MEF2A: variants seen among roughly 807,000 people sequenced by gnomAD.
MEF2A encodes the protein myocyte-specific enhancer factor 2A.
A neutral mutation model predicts 55.8 loss-of-function variants in MEF2A; 28 were observed. That is an observed-to-expected ratio of 0.50 (90% CI 0.37 to 0.69). The LOEUF (loss-of-function observed/expected upper bound fraction) is 0.69. MEF2A is among the 30% of genes least tolerant of loss of function. MEF2A has a pLI of 0.00. For synonymous variants in MEF2A, 239 were observed against 227.1 expected, an observed-to-expected ratio of 1.05 and a Z score of -0.47; for missense variants, 528 against 626.2, an observed-to-expected ratio of 0.84 and a Z score of 1.67.
At chr15:99,644,435 T>C (rs1177297845) in intron 3 of MEF2A, among the ~76,000 whole-genome samples, 2 of 152,210 alleles carry the variant, frequency 1.3e-5, no homozygotes, top group African/African-American at 2.4e-5. Flanking sequence ...GTATTGTATC[T>C]GTAATGAAAG....
intron 3 of MEF2A, among the ~76,000 whole-genome samples, chr15:99,637,932 C>T (rs1427777954): frequency 3.3e-5 from 5 of 152,148 alleles, no homozygotes; most frequent in Non-Finnish European, 5.9e-5. Flanking sequence ...CGTGAGCCAC[C>T]GCCCCCAGCC....
intron 2 of MEF2A, among the ~76,000 whole-genome samples, chr15:99,623,830 G>A (rs572730602): frequency 5.3e-5 from 8 of 149,680 alleles, no homozygotes; most frequent in East Asian, 2.0e-4. Flanking sequence ...TAATTGAGAC[G>A]GGGTTTCGCC....
chr15:99,661,783 A>G (rs1293623932), intron 4 of MEF2A, among the ~76,000 whole-genome samples: 1 of 152,128 alleles, frequency 6.6e-6, no homozygotes, highest in African/African-American at 2.4e-5. Flanking sequence ...ATTCCTAAGA[A>G]TACATACCCA....
intron 1 of MEF2A, among the ~76,000 whole-genome samples, chr15:99,577,823 C>T (rs1964777125): frequency 1.3e-5 from 2 of 151,928 alleles, no homozygotes; most frequent in African/African-American, 2.4e-5. Flanking sequence ...GAGTACTGGT[C>T]GTTACTTTGT....
Position 99,613,535 on chromosome 15 carries a change from G to T in MEF2A, c.-143+15024G>T, listed in dbSNP as rs74755866. 2.6e-5 allele frequency among the ~76,000 whole-genome samples: 4 copies of T among 152,282 alleles called. No individual in the cohort carries two copies. In the East Asian group the frequency reaches 7.7e-4, roughly 29 times the overall value. ...AGTCTTTAATAATTGAGATTGAGAG[G>T]AGTCATTTATTTCTCTTTTTTTAAA... On this transcript the variant is annotated intron_variant, in intron 2 of 11. Transcript: ENST00000557942.
chr15:99,634,701 T>C (rs2043482395), intron 3 of MEF2A, among the ~76,000 whole-genome samples: 1 of 152,110 alleles, frequency 6.6e-6, no homozygotes, highest in African/African-American at 2.4e-5. Context: ...AATGGAACTT[T>C]CTGAGTTGAG....
At chr15:99,581,854 G>C (rs747487801) in intron 1 of MEF2A, among the ~76,000 whole-genome samples, 1 of 151,994 alleles carries the variant, frequency 6.6e-6, no homozygotes, top group Non-Finnish European at 1.5e-5. Context: ...CATTTGAACT[G>C]GATATCAAGT....
intron 1 of MEF2A, among the ~76,000 whole-genome samples, chr15:99,592,995 G>A (rs1969868270): frequency 6.6e-6 from 1 of 152,158 alleles, no homozygotes; most frequent in South Asian, 2.1e-4. Context: ...AATATTATGA[G>A]TGTATTGGGT....
chr15:99,681,906 C>G (rs1206230841), intron 7 of MEF2A: 1 of 150,182 alleles, frequency 6.7e-6, no homozygotes, highest in Admixed American at 6.6e-5. Flanking sequence ...TCAGAAACCT[C>G]AAACAGTTCT....
intron 3 of MEF2A, among the ~76,000 whole-genome samples, chr15:99,635,396 T>G (rs756114154): frequency 5.3e-5 from 8 of 152,228 alleles, no homozygotes; most frequent in Non-Finnish European, 1.0e-4. Flanking sequence ...TACTTCCACT[T>G]AGAAGCCTCT....
intron 4 of MEF2A, among the ~76,000 whole-genome samples, chr15:99,661,417 T>TG (rs972367820): frequency 1.1e-4 from 17 of 151,730 alleles, no homozygotes; most frequent in African/African-American, 3.6e-4. Flanking sequence ...ATAAGCGTTT[T>TG]TTTTTTTTTT....
intron 1 of MEF2A, among the ~76,000 whole-genome samples, chr15:99,590,293 T>C (rs571754637): frequency 2.0e-5 from 3 of 151,904 alleles, no homozygotes; most frequent in South Asian, 2.1e-4. Context: ...GCACTGCTGC[T>C]TTTAGGATTA....
chr15:99,709,894 GCTTA>G (rs2058431054), intron 10 of MEF2A, among the ~76,000 whole-genome samples: 2 of 152,262 alleles, frequency 1.3e-5, no homozygotes, highest in Middle Eastern at 3.4e-3. Flanking sequence ...AAACAAATGC[GCTTA>G]CTAATTGTGT....
At chr15:99,630,753 G>A (rs1008118812) in intron 2 of MEF2A, among the ~76,000 whole-genome samples, 2 of 152,218 alleles carry the variant, frequency 1.3e-5, no homozygotes, top group Admixed American at 6.5e-5. Context: ...ATTTAAAGCT[G>A]TGCTTCTCTT....
chr15:99,651,219 G>A (rs1461310863), intron 4 of MEF2A, among the ~76,000 whole-genome samples: 1 of 152,156 alleles, frequency 6.6e-6, no homozygotes, highest in East Asian at 1.9e-4. Context: ...GAGAGGTGTG[G>A]TGGGGATGAG....
At chr15:99,612,826 A>G (rs1279669819) in intron 2 of MEF2A, among the ~76,000 whole-genome samples, 1 of 152,176 alleles carries the variant, frequency 6.6e-6, no homozygotes, top group East Asian at 1.9e-4. Flanking sequence ...ACCAGAATGT[A>G]TGTTCTCCCT....
Position 99,705,293 on chromosome 15 carries a change from C to CT in MEF2A, c.883-1430dup, listed in dbSNP as rs549003513. On this transcript the variant is annotated intron_variant, in intron 9 of 11. Coordinates refer to ENST00000557942, the MANE Select transcript of MEF2A (RefSeq NM_001319206.4). ...GATTAGAAGGAATAAAAATATGTAT[C>CT]TTTTTTCCCACCAGTTATATAGAAA... Among the ~76,000 whole-genome samples the CT allele has an allele frequency of 2.3e-3, 344 of 152,248 alleles. 2 individuals carry two copies. Among genetic ancestry groups the CT allele is most frequent in the African/African-American group, 8.0e-3 (334 of 41,550 alleles).
At chr15:99,643,939 A>G (rs2045493962) in intron 3 of MEF2A, among the ~76,000 whole-genome samples, 1 of 152,188 alleles carries the variant, frequency 6.6e-6, no homozygotes, top group South Asian at 2.1e-4. Flanking sequence ...GATGATTCAT[A>G]AAAGGTGATT....
intron 4 of MEF2A, among the ~76,000 whole-genome samples, chr15:99,660,497 T>A (rs538815152): frequency 3.3e-5 from 5 of 152,196 alleles, no homozygotes; most frequent in Non-Finnish European, 5.9e-5. Context: ...CTTCCCTGTT[T>A]GGCATCCCAT....
Sources: gnomAD v4.1 joint callset for allele counts (sites outside exome capture counted in the v4.1 genomes callset) on GRCh38, gnomAD v4.1.1 for gene constraint, MANE v1.5 for transcripts, NCBI Gene and HGNC (gene_info 2026-07-23, HGNC 2026-07-21) for gene names.